The following FOXK1 variants were observed in gnomAD, a reference collection of about 807,000 sequenced individuals.
FOXK1 encodes forkhead box K1.
In FOXK1, 19 loss-of-function variants were observed where a neutral mutation model predicts 51.9. The ratio of observed to expected loss-of-function variants is 0.37; its 90% CI spans 0.26 to 0.54. The LOEUF (loss-of-function observed/expected upper bound fraction) is 0.54. Ranked by LOEUF, FOXK1 falls within the 20% of genes least tolerant of loss-of-function variation. The pLI, the probability that FOXK1 is intolerant of heterozygous loss-of-function variation, is 0.87. For synonymous variants in FOXK1, 537 were observed against 482.6 expected (o/e 1.11, Z -1.48); for missense variants, 870 against 1,032.7 (o/e 0.84, Z 2.16).
intron 1 of FOXK1, among the ~76,000 whole-genome samples, chr7:4,727,636 G>A (rs1032572406): frequency 1.3e-5 from 2 of 152,224 alleles, no homozygotes; most frequent in African/African-American, 4.8e-5. Flanking sequence ...TTGTTCTAAA[G>A]TGCGGTGTTT....
chr7:4,714,712 G>A (rs761150157), intron 1 of FOXK1, among the ~76,000 whole-genome samples: 22 of 152,182 alleles, frequency 1.4e-4, no homozygotes, highest in Admixed American at 3.9e-4. Flanking sequence ...CTAAGTAGGC[G>A]TTACATTCCC....
chr7:4,754,254 C>T (rs1007733008), intron 2 of FOXK1, among the ~76,000 whole-genome samples: 2 of 152,232 alleles, frequency 1.3e-5, no homozygotes, highest in Non-Finnish European at 2.9e-5. Context: ...CAGAAGTCAC[C>T]ACTGGAAGGA....
chr7:4,692,484 C>G (rs2115030307), intron 1 of FOXK1, among the ~76,000 whole-genome samples: 1 of 152,302 alleles, frequency 6.6e-6, no homozygotes, highest in East Asian at 1.9e-4. Flanking sequence ...CAACATCCGC[C>G]TCCTGGGTTC....
intron 1 of FOXK1, among the ~76,000 whole-genome samples, chr7:4,688,504 C>T (rs1357143343): frequency 5.3e-5 from 8 of 151,944 alleles, no homozygotes; most frequent in African/African-American, 1.9e-4. Context: ...AAGCGATTCC[C>T]CCTGCCTCAG....
rs565132888 is a variant in FOXK1 at position 4,731,958 on chromosome 7, G to A, written c.561-8880G>A. 2.3e-4 allele frequency among the ~76,000 whole-genome samples: 35 copies of A among 152,262 alleles called. No individual in the cohort carries two copies. The East Asian group carries it at 6.2e-3, about 27-fold the overall frequency. ...GGAGACCTGAGGCCACACGGAGGCC[G>A]GGCTGGCCAGGGCGGGGCTCAGATT... is the stretch of plus-strand genomic sequence containing the variant. On this transcript the variant is annotated intron_variant, in intron 1 of 8. Transcript: ENST00000328914. This position sits in a 1 kb window ranked among gnomAD's most constrained non-coding sequence, Gnocchi z 5.3.
At chr7:4,724,598 G>A (rs191685272) in intron 1 of FOXK1, among the ~76,000 whole-genome samples, 2 of 152,302 alleles carry the variant, frequency 1.3e-5, no homozygotes, top group Admixed American at 6.5e-5. Context: ...TCTGTGCCTC[G>A]TTGTGTGTGT....
chr7:4,712,622 C>T (rs1387061464), intron 1 of FOXK1, among the ~76,000 whole-genome samples: 1 of 152,162 alleles, frequency 6.6e-6, no homozygotes, highest in Non-Finnish European at 1.5e-5. Context: ...ATTGCAGTCT[C>T]GAAAAGACTG....
rs1780110489 is a variant in FOXK1, at chr7:4,707,017, A to G, written c.560+24149A>G. 6.6e-6 allele frequency among the ~76,000 whole-genome samples: 1 copy of G among 152,228 alleles called. No individual in the cohort carries two copies. Among genetic ancestry groups the G allele is most frequent in the Non-Finnish European group, 1.5e-5 (1 of 68,048 alleles). On this transcript the variant is annotated intron_variant, in intron 1 of 8. Coordinates refer to ENST00000328914, the MANE Select transcript of FOXK1 (RefSeq NM_001037165.2). This position sits in a 1 kb window ranked among gnomAD's most constrained non-coding sequence, Gnocchi z 4.1. Reference sequence around the variant, plus strand: ...CTTACCTACTTCATGCCCTAATTGAATTCCATTGCATTTTCTTCTTAAAAT... The same window carrying G: ...CTTACCTACTTCATGCCCTAATTGAGTTCCATTGCATTTTCTTCTTAAAAT...
At chr7:4,739,215 C>G (rs1310918354) in intron 1 of FOXK1, among the ~76,000 whole-genome samples, 1 of 152,214 alleles carries the variant, frequency 6.6e-6, no homozygotes, top group Admixed American at 6.5e-5. Context: ...TAGCGTCTCT[C>G]AAGTGTTGAG....
At chr7:4,727,254 T>C (rs1282714712) in intron 1 of FOXK1, among the ~76,000 whole-genome samples, 1 of 152,164 alleles carries the variant, frequency 6.6e-6, no homozygotes, top group East Asian at 1.9e-4. Context: ...TCCCAGCCTA[T>C]TATTATTATA....
At position 4,762,763 on chromosome 7, in the gene FOXK1, A is replaced by C. The variant is rs572709247; in HGVS notation, c.*299A>C. 30 of 392,808 alleles carry C rather than the reference A, an allele frequency of 7.6e-5. No homozygotes were observed. Among genetic ancestry groups the C allele is most frequent in the South Asian group, 6.2e-4 (22 of 35,454 alleles). 24.3% of individuals were successfully genotyped at this position (392,808 alleles called of 1,614,324 possible). On this transcript the variant is annotated 3_prime_UTR_variant, in exon 9 of 9. Coordinates refer to ENST00000328914, the MANE Select transcript of FOXK1 (RefSeq NM_001037165.2). This position sits in a 1 kb window ranked among gnomAD's most constrained non-coding sequence, Gnocchi z 5.7. ...CCAGGCCTCCCTGTCGGGCATGGGGAGGAGGTTGGAGCTCAGCATCTTGAG... is the reference window on the plus strand; with the variant it reads ...CCAGGCCTCCCTGTCGGGCATGGGGCGGAGGTTGGAGCTCAGCATCTTGAG...
chr7:4,682,848 C>T lies in FOXK1; in HGVS notation c.540C>T (p.Pro180=), dbSNP rs781163441. 6.4e-7 allele frequency: 1 copy of T among 1,556,164 alleles called. No individual in the cohort carries two copies. The highest frequency in any genetic ancestry group is 1.2e-5 in the South Asian group (1 of 86,492). ...GGGCCTTCCAGAGACGCGGCGCGCC[C>T]GCCCTGCAGCTGCCCAAGCAGTGAG... ...VDGAFQRRGA[P]ALQLPKQCTF... The change falls in exon 1 of 9, where the codon CCC becomes CCT. Residue 180 remains proline, a synonymous_variant. Coordinates refer to ENST00000328914, the MANE Select transcript of FOXK1 (RefSeq NM_001037165.2). The surrounding 1 kb of genome is among the most constrained non-coding windows in gnomAD (Gnocchi z 7.6).
intron 1 of FOXK1, among the ~76,000 whole-genome samples, chr7:4,719,631 G>A (rs1354780294): frequency 7.2e-5 from 11 of 151,982 alleles, no homozygotes; most frequent in African/African-American, 2.4e-4. Context: ...ACAGGCACAC[G>A]CCACCATGCC....
At chr7:4,689,873 C>G (rs1779870222) in intron 1 of FOXK1, among the ~76,000 whole-genome samples, 1 of 152,112 alleles carries the variant, frequency 6.6e-6, no homozygotes, top group Admixed American at 6.6e-5. Flanking sequence ...CTTAGGTGAC[C>G]CAGCGCCTGG....
chr7:4,701,600 A>T (rs1780021907), intron 1 of FOXK1, among the ~76,000 whole-genome samples: 1 of 152,166 alleles, frequency 6.6e-6, no homozygotes. Flanking sequence ...TGCAAAAAAT[A>T]AAAAGTAAAA....
rs1264422307 is a variant in FOXK1, at chr7:4,764,209, C to T, written c.*1745C>T. On this transcript the variant is annotated 3_prime_UTR_variant, in exon 9 of 9. Transcript: ENST00000328914. ...CGTGGCCCCCATCAGAGTCCCCGTC[C>T]CCCAGGACAAGTGCAGAACCTCTGT... 6.5e-6 allele frequency: 1 copy of T among 154,344 alleles called. No homozygotes were observed. Among genetic ancestry groups the T allele is most frequent in the Non-Finnish European group, 1.5e-5 (1 of 68,332 alleles). 9.6% of individuals were successfully genotyped at this position (154,344 alleles called of 1,614,324 possible). A position where few individuals can be genotyped will look rare whatever the true frequency, so the allele number is the denominator to read the frequency against.
rs1779758957 is a variant in FOXK1, at chr7:4,682,437, C to T, written c.129C>T (p.Pro43=). ...CCGCGGCCGCACCCCCGCCGGCCCC[C>T]GCGCAGCCCCAGCCTCCGCCCGGGC... ...AFPAAAPPPA[P]AQPQPPPGPP... Residue 43 remains proline (P), a synonymous_variant, in exon 1 of 9, where the codon CCC becomes CCT. Coordinates refer to ENST00000328914, the MANE Select transcript of FOXK1 (RefSeq NM_001037165.2). This position sits in a 1 kb window ranked among gnomAD's most constrained non-coding sequence, Gnocchi z 7.6. The T allele has an allele frequency of 6.1e-6, 6 of 981,282 alleles. No individual in the cohort carries two copies. The highest frequency in any genetic ancestry group is 7.2e-6 in the Non-Finnish European group (6 of 828,746). 60.8% of individuals were successfully genotyped at this position (981,282 alleles called of 1,614,324 possible).
rs879624569 is a variant in FOXK1, at chr7:4,715,051, G to T, written c.561-25787G>T. ...ATCAGAGGTTACATAGGCTTGGGGC[G>T]TAGCTTTTCTGATCAGATGAGTTTC... On this transcript the variant is annotated intron_variant, in intron 1 of 8. Coordinates refer to ENST00000328914, the MANE Select transcript of FOXK1 (RefSeq NM_001037165.2). This position sits in a 1 kb window ranked among gnomAD's most constrained non-coding sequence, Gnocchi z 4.5. 6.6e-6 allele frequency among the ~76,000 whole-genome samples: 1 copy of T among 152,168 alleles called. No individual in the cohort carries two copies. Among genetic ancestry groups the T allele is most frequent in the African/African-American group, 2.4e-5 (1 of 41,426 alleles).
intron 1 of FOXK1, among the ~76,000 whole-genome samples, chr7:4,720,575 A>C (rs1272885511): frequency 1.3e-5 from 2 of 152,168 alleles, no homozygotes; most frequent in African/African-American, 4.8e-5. Flanking sequence ...CCTGTGGCCA[A>C]CTTCGATGCT....
Sources: gnomAD v4.1 joint callset for allele counts (sites outside exome capture counted in the v4.1 genomes callset) on GRCh38, gnomAD v4.1.1 for gene constraint, Gnocchi (gnomAD v3.1) non-coding constraint, MANE v1.5 for transcripts, NCBI Gene and HGNC (gene_info 2026-07-23, HGNC 2026-07-21) for gene names.